RGS7: variants seen among roughly 807,000 people sequenced by gnomAD.
RGS7 encodes the protein regulator of G protein signaling 7, also known as regulator of G-protein signaling 7.
Under a neutral mutation model 81.1 loss-of-function variants are expected in RGS7, and 27 were observed. The observed-to-expected ratio is 0.33, with a 90% CI of 0.25 to 0.46. The LOEUF (loss-of-function observed/expected upper bound fraction) is 0.46, where lower values mean the gene tolerates loss of function less well. RGS7 is among the 20% of genes least tolerant of loss of function. The pLI, the probability that RGS7 is intolerant of heterozygous loss-of-function variation, is 1.00. For synonymous variants in RGS7, 208 were observed against 207.7 expected, an observed-to-expected ratio of 1.00 and a Z score of -0.01; for missense variants, 396 against 607.4, an observed-to-expected ratio of 0.65 and a Z score of 3.66.
intron 3 of RGS7, among the ~76,000 whole-genome samples, chr1:241,005,541 CTTT>C (rs1190196373): frequency 6.6e-6 from 1 of 151,818 alleles, no homozygotes; most frequent in Non-Finnish European, 1.5e-5. Flanking sequence ...TTTTTATTTA[CTTT>C]TTATTTTTTG....
At chr1:241,211,104 G>A (rs1649749278) in intron 2 of RGS7, among the ~76,000 whole-genome samples, 1 of 152,134 alleles carries the variant, frequency 6.6e-6, no homozygotes, top group African/African-American at 2.4e-5. Context: ...GGCCAACATG[G>A]TAAAACCCCA....
intron 9 of RGS7, among the ~76,000 whole-genome samples, chr1:240,853,327 A>G (rs186554024): frequency 4.4e-4 from 67 of 152,350 alleles, no homozygotes; most frequent in African/African-American, 1.6e-3. Flanking sequence ...ATAACCAAGC[A>G]TGTTAGCAAC....
rs1303267337 is a variant in RGS7 at position 241,197,422 on chromosome 1, T to C, written c.79-98660A>G. Among the ~76,000 whole-genome samples, 41 of 40,108 alleles carry C rather than the reference T, an allele frequency of 1.0e-3. 18 individuals carry two copies. Among genetic ancestry groups the C allele is most frequent in the African/African-American group, 1.5e-3 (20 of 13,464 alleles). The allele number at this position is 40,108 out of a possible 152,430, so 26.3% of individuals were successfully genotyped here. A position where few individuals can be genotyped will look rare whatever the true frequency, so the allele number is the denominator to read the frequency against. ...GGCGCCCGCCACTACGCCCGGCTAA[T>C]TTTTTGTATTTTTAGTAGAGACGGG... is the stretch of plus-strand genomic sequence containing the variant. On this transcript the variant is annotated intron_variant, in intron 2 of 18. Coordinates refer to ENST00000440928, the MANE Select transcript of RGS7 (RefSeq NM_001364886.1).
chr1:241,160,330 C>A (rs534777424), intron 2 of RGS7, among the ~76,000 whole-genome samples: 37 of 152,140 alleles, frequency 2.4e-4, no homozygotes, highest in Non-Finnish European at 4.6e-4. Context: ...ACCTTCCTTA[C>A]AAAATTCATG....
intron 4 of RGS7, among the ~76,000 whole-genome samples, chr1:240,969,273 T>C (rs1009320973): frequency 6.6e-6 from 1 of 152,088 alleles, no homozygotes; most frequent in African/African-American, 2.4e-5. Flanking sequence ...AAGGAACACA[T>C]ATATGCAGAA....
In RGS7 at chr1:240,870,128, A is replaced by C. The variant is rs763064404; in HGVS notation, c.386-9T>G. On this transcript the variant is annotated splice_polypyrimidine_tract_variant and intron_variant, in intron 6 of 18. Coordinates refer to ENST00000440928, the MANE Select transcript of RGS7 (RefSeq NM_001364886.1). ...CTTGCAGAGGTAAACGGCTGAAAAAAAAATCAATCATTTCTTGCCTGCTTA... is the reference window on the plus strand; with the variant it reads ...CTTGCAGAGGTAAACGGCTGAAAAACAAATCAATCATTTCTTGCCTGCTTA... 1.9e-6 allele frequency: 3 copies of C among 1,613,774 alleles called. No homozygotes were observed. The highest frequency in any genetic ancestry group is 2.5e-6 in the Non-Finnish European group (3 of 1,179,674).
chr1:240,787,584 T>G (rs1254128062), intron 18 of RGS7, among the ~76,000 whole-genome samples: 2 of 152,230 alleles, frequency 1.3e-5, no homozygotes, highest in African/African-American at 4.8e-5. Context: ...AATCAGTAAT[T>G]TGAAAGATTA....
Position 240,806,162 on chromosome 1 carries a change from C to T in RGS7, c.1247G>A (p.Arg416Gln), listed in dbSNP as rs746273282. The T allele has an allele frequency of 2.5e-6, 4 of 1,613,802 alleles. No homozygotes were observed. Among genetic ancestry groups the T allele is most frequent in the East Asian group, 2.2e-5 (1 of 44,902 alleles). ...KTTQNVKEPGRYTFEDAQEHI... is the reference protein window; with the variant it reads ...KTTQNVKEPGQYTFEDAQEHI... ...CACCTGAGCATCTTCAAATGTGTAT[C>T]GTCCAGGTTCCTTCACGTTCTGTGT... Residue 416 changes from arginine (R) to glutamine (Q), a missense_variant, in exon 15 of 19, where the codon CGA (arginine) becomes CAA (glutamine). By Grantham distance (43) the Arg-to-Gln change is conservative. Coordinates refer to ENST00000440928, the MANE Select transcript of RGS7 (RefSeq NM_001364886.1).
intron 14 of RGS7, 66 bp downstream of exon 14, chr1:240,811,852 C>T: frequency 7.2e-7 from 1 of 1,394,466 alleles, no homozygotes; most frequent in Middle Eastern, 1.7e-4. Context: ...CTATTACCTC[C>T]AAAATAACCA....
At chr1:241,027,434 G>A (rs75147897) in intron 3 of RGS7, among the ~76,000 whole-genome samples, 1 of 152,294 alleles carries the variant, frequency 6.6e-6, no homozygotes, top group African/African-American at 2.4e-5. Flanking sequence ...AATGTGATGT[G>A]ATTTGCATTT....
intron 2 of RGS7, among the ~76,000 whole-genome samples, chr1:241,316,902 C>G (rs888240855): frequency 6.6e-6 from 1 of 152,052 alleles, no homozygotes; most frequent in Non-Finnish European, 1.5e-5. Context: ...TTTTCAGATA[C>G]AGAATAATAT....
intron 4 of RGS7, among the ~76,000 whole-genome samples, chr1:240,981,355 C>T (rs951315577): frequency 6.6e-6 from 1 of 152,088 alleles, no homozygotes; most frequent in Non-Finnish European, 1.5e-5. Flanking sequence ...CGTGATCCAC[C>T]CACCTCAGCC....
intron 2 of RGS7, among the ~76,000 whole-genome samples, chr1:241,299,577 T>C (rs1162486472): frequency 1.3e-5 from 2 of 151,858 alleles, no homozygotes; most frequent in African/African-American, 4.8e-5. Flanking sequence ...GAAATGAGTA[T>C]CACTACATAT....
At chr1:241,040,479 T>TTTA (rs1558634832) in intron 3 of RGS7, among the ~76,000 whole-genome samples, 46 of 151,230 alleles carry the variant, frequency 3.0e-4, no homozygotes, top group South Asian at 6.3e-4. Context: ...TTACTTTTCT[T>TTTA]TTTATTTATT....
chr1:240,805,911 T>C (rs1160112493), intron 15 of RGS7, among the ~76,000 whole-genome samples: 1 of 152,112 alleles, frequency 6.6e-6, no homozygotes, highest in Non-Finnish European at 1.5e-5. Context: ...ATTTCAAATA[T>C]GCCCCTTCAT....
At chr1:241,116,651 A>G (rs2065903870) in intron 2 of RGS7, among the ~76,000 whole-genome samples, 1 of 152,184 alleles carries the variant, frequency 6.6e-6, no homozygotes, top group Non-Finnish European at 1.5e-5. Context: ...TACATTCTGT[A>G]AATTTTTTTT....
intron 2 of RGS7, among the ~76,000 whole-genome samples, chr1:241,190,516 A>T (rs1008420603): frequency 6.6e-6 from 1 of 152,188 alleles, no homozygotes; most frequent in Admixed American, 6.5e-5. Flanking sequence ...TGTAGTTTTC[A>T]GCACACAAGC....
At chr1:240,975,348 G>A (rs1363121761) in intron 4 of RGS7, among the ~76,000 whole-genome samples, 1 of 152,126 alleles carries the variant, frequency 6.6e-6, no homozygotes. Flanking sequence ...GTTGCAGCAA[G>A]CCAAGATCAT....
At chr1:240,930,637 A>G (rs911374163) in intron 6 of RGS7, 80 bp downstream of exon 6, 16 of 1,328,254 alleles carry the variant, frequency 1.2e-5, no homozygotes, top group African/African-American at 1.4e-5. Context: ...TTTCTTAATG[A>G]AAAAAGCAAT....
Sources: gnomAD v4.1 joint callset for allele counts (sites outside exome capture counted in the v4.1 genomes callset) on GRCh38, gnomAD v4.1.1 for gene constraint, MANE v1.5 for transcripts, NCBI Gene and HGNC (gene_info 2026-07-23, HGNC 2026-07-21) for gene names.